Variants in SNRNP200 observed in about 807,000 individuals in gnomAD.
SNRNP200 encodes the protein U5 small nuclear ribonucleoprotein 200 kDa helicase.
SNRNP200 carries 66 observed loss-of-function variants against 255.2 expected under a neutral mutation model. The ratio of observed to expected loss-of-function variants is 0.26; its 90% CI spans 0.21 to 0.32. The LOEUF is 0.32. Among genes scored for constraint, SNRNP200 ranks in the 10% least tolerant of loss-of-function variants. SNRNP200 has a pLI of 1.00. For missense variants in SNRNP200, 1,585 were observed against 2,749.8 expected (o/e 0.58, Z 9.47); for synonymous variants, 939 against 1,027.8 (o/e 0.91, Z 1.65).
Position 96,278,607 on chromosome 2 carries a change from C to T in SNRNP200, c.5428G>A (p.Val1810Met), listed in dbSNP as rs769340516. Reference sequence around the variant, plus strand: ...ATCATGCCTAGGTTCAGAGGCGCCACGTCCATCTCGTCCTCGATGCTGATG... The same window carrying T: ...ATCATGCCTAGGTTCAGAGGCGCCATGTCCATCTCGTCCTCGATGCTGATG... The part of the protein sequence containing the change: ...KCISIEDEMD[V>M]APLNLGMIAA... Residue 1810 changes from valine (V) to methionine (M), a missense_variant, in exon 38 of 45, where the codon GTG (valine) becomes ATG (methionine). This residue lies in a region of SNRNP200 where 279 missense variants were observed against 551.2 expected (regional missense o/e 0.51). Transcript: ENST00000323853. This position sits in a 1 kb window ranked among gnomAD's most constrained non-coding sequence, Gnocchi z 6.9. 2.6e-5 allele frequency: 42 copies of T among 1,614,104 alleles called. No homozygotes were observed. Among genetic ancestry groups the T allele is most frequent in the Admixed American group, 5.0e-5 (3 of 60,010 alleles).
chr2:96,301,492 G>T lies in SNRNP200; in HGVS notation c.574+32C>A. On this transcript the variant is annotated intron_variant, in intron 4 of 44. Transcript: ENST00000323853. ...TGTTTAGGGGTCAACAACAACCAAT[G>T]AACATGATCAGAACATAAAGCGCGC... 2.5e-6 allele frequency: 4 copies of T among 1,606,022 alleles called. No homozygotes were observed. In the South Asian group the frequency reaches 4.4e-5, roughly 18 times the overall value.
intron 13 of SNRNP200, 50 bp downstream of exon 13, chr2:96,296,486 C>T (rs2063917103): frequency 6.2e-7 from 1 of 1,601,856 alleles, no homozygotes. Context: ...GTCCACAACA[C>T]TTTCATAGGT....
intron 8 of SNRNP200, 45 bp downstream of exon 8, chr2:96,298,558 A>C: frequency 6.3e-7 from 1 of 1,592,902 alleles, no homozygotes; most frequent in East Asian, 2.2e-5. Context: ...TCACACATGC[A>C]CACATATGTA....
chr2:96,304,611 C>G (rs2063975302), intron 2 of SNRNP200, 94 bp downstream of exon 2: 3 of 1,529,514 alleles, frequency 2.0e-6, no homozygotes, highest in Non-Finnish European at 1.8e-6. Flanking sequence ...TGCCACTGAT[C>G]TTACACCAAG....
intron 23 of SNRNP200, 138 bp downstream of exon 23, chr2:96,288,899 A>C: frequency 4.8e-6 from 5 of 1,036,778 alleles, no homozygotes; most frequent in Non-Finnish European, 5.9e-6. Flanking sequence ...TATAAAAAGA[A>C]CATGCGAGAA....
At chr2:96,279,314 T>A (rs1411923223) in intron 36 of SNRNP200, 137 bp downstream of exon 36, 12 of 739,716 alleles carry the variant, frequency 1.6e-5, no homozygotes, top group Non-Finnish European at 1.9e-5. Flanking sequence ...GGTGGCAGGC[T>A]CGTCACAAAA....
intron 2 of SNRNP200, among the ~76,000 whole-genome samples, 172 bp from the exon 3 acceptor site, chr2:96,303,502 T>C (rs1411541091): frequency 2.0e-5 from 3 of 152,188 alleles, no homozygotes; most frequent in East Asian, 3.8e-4. Flanking sequence ...GCAGGAGTAT[T>C]TCTTTATGGG....
At chr2:96,280,345 A>C (rs1684737626) in intron 35 of SNRNP200, among the ~76,000 whole-genome samples, 2 of 152,078 alleles carry the variant, frequency 1.3e-5, no homozygotes, top group Non-Finnish European at 2.9e-5. Flanking sequence ...AAAAAAAGGA[A>C]AAATTAGCTG....
At position 96,286,002 on chromosome 2, in the gene SNRNP200, T is replaced by G. The variant is rs140149920; in HGVS notation, c.4003+309A>C. On this transcript the variant is annotated intron_variant, in intron 29 of 44. Transcript: ENST00000323853. This position sits in a 1 kb window ranked among gnomAD's most constrained non-coding sequence, Gnocchi z 4.8. Reference sequence around the variant, plus strand: ...TTTATCATGATGTGGTGAGGAGGCTTCAGTGCCACCCCATGGTTCTGGTTC... The same window carrying G: ...TTTATCATGATGTGGTGAGGAGGCTGCAGTGCCACCCCATGGTTCTGGTTC... 3.3e-5 allele frequency among the ~76,000 whole-genome samples: 5 copies of G among 152,348 alleles called. No individual in the cohort carries two copies. Among genetic ancestry groups the G allele is most frequent in the African/African-American group, 1.2e-4 (5 of 41,586 alleles).
chr2:96,283,884 C>T lies in SNRNP200; in HGVS notation c.4513G>A (p.Gly1505Ser). The T allele has an allele frequency of 6.3e-7, 1 of 1,594,968 alleles. No individual in the cohort carries two copies. The highest frequency in any genetic ancestry group is 8.5e-7 in the Non-Finnish European group (1 of 1,170,754). The change falls in exon 32 of 45, where the codon GGC becomes AGC. Residue 1505 changes from glycine (G) to serine (S), a missense_variant. By Grantham distance (56) the Gly-to-Ser change is moderately conservative (BLOSUM62 0). Coordinates refer to ENST00000323853, the MANE Select transcript of SNRNP200 (RefSeq NM_014014.5). The surrounding 1 kb of genome is among the most constrained non-coding windows in gnomAD (Gnocchi z 4.7). ...SNAKDVAHWL[G>S]CSATSTFNFH... ...TTGAAGGTGGAGGTGGCACTGCAGC[C>T]CAGCCAGTGGGCCACATCCTTGGCA...
chr2:96,301,342 A>G (rs1288484156), intron 4 of SNRNP200, among the ~76,000 whole-genome samples, 182 bp downstream of exon 4: 1 of 152,212 alleles, frequency 6.6e-6, no homozygotes, highest in Non-Finnish European at 1.5e-5. Context: ...GTCTCAGAGT[A>G]AGGAACAGCT....
In SNRNP200 at chr2:96,289,937, G is replaced by A. The variant is rs979393877; in HGVS notation, c.2802C>T (p.Thr934=). 2 of 1,614,014 alleles carry A rather than the reference G, an allele frequency of 1.2e-6. No individual in the cohort carries two copies. The highest frequency in any genetic ancestry group is 2.7e-5 in the African/African-American group (2 of 74,890). ...GGTCATCATGAGAGATGCCATAGAGGGTTGGGGATCGCAGCATTCGGATAT... is the reference window on the plus strand; with the variant it reads ...GGTCATCATGAGAGATGCCATAGAGAGTTGGGGATCGCAGCATTCGGATAT... ...YLYIRMLRSP[T]LYGISHDDLK... The change falls in exon 21 of 45, where the codon ACC becomes ACT. Residue 934 remains threonine (T), a synonymous_variant. Transcript: ENST00000323853.
chr2:96,274,879 C>G lies in SNRNP200; in HGVS notation c.*133G>C. ...GCAAGGGAAAGGAAGTGGAGGTAGG[C>G]GGGGACAGCACCAGCCCTGGCTGGC... On this transcript the variant is annotated 3_prime_UTR_variant, in exon 45 of 45. Transcript: ENST00000323853. 1 of 950,918 alleles carries G rather than the reference C, an allele frequency of 1.1e-6. No homozygotes were observed. Among genetic ancestry groups the G allele is most frequent in the Non-Finnish European group, 1.7e-6 (1 of 589,392 alleles). The allele number at this position is 950,918 out of a possible 1,614,324, so 58.9% of individuals were successfully genotyped here.
chr2:96,285,170 C>A lies in SNRNP200; in HGVS notation c.4164+10G>T. ...TTGGGAAATTCACATGACACAGCGC[C>A]ACGTCATACCTGCTCTGCCAGGGCC... is the stretch of plus-strand genomic sequence containing the variant. On this transcript the variant is annotated intron_variant, in intron 30 of 44. Coordinates refer to ENST00000323853, the MANE Select transcript of SNRNP200 (RefSeq NM_014014.5). The A allele has an allele frequency of 6.2e-7, 1 of 1,613,904 alleles. No homozygotes were observed. Among genetic ancestry groups the A allele is most frequent in the Non-Finnish European group, 8.5e-7 (1 of 1,179,920 alleles).
At chr2:96,279,139 T>C in intron 36 of SNRNP200, 141 bp from the exon 37 acceptor site, 1 of 734,502 alleles carries the variant, frequency 1.4e-6, no homozygotes, top group Non-Finnish European at 2.4e-6. Flanking sequence ...ATTTAGAAAG[T>C]GCATCACTGG....
In SNRNP200 at chr2:96,282,357, G is replaced by C. The variant is rs1343431429; in HGVS notation, c.4916-435C>G. 2.3e-5 allele frequency: 5 copies of C among 221,304 alleles called. No homozygotes were observed. In the East Asian group the frequency reaches 3.1e-4, roughly 14 times the overall value. The allele number at this position is 221,304 out of a possible 1,614,324, so 13.7% of individuals were successfully genotyped here. On this transcript the variant is annotated intron_variant, in intron 34 of 44. Coordinates refer to ENST00000323853, the MANE Select transcript of SNRNP200 (RefSeq NM_014014.5). ...TTCTGGCAGAAGAATCTCCAATGAG[G>C]CTCCAATAAACAGTATTAAAACGTA... is the stretch of plus-strand genomic sequence containing the variant.
intron 43 of SNRNP200, among the ~76,000 whole-genome samples, chr2:96,276,132 T>C (rs1318021135): frequency 2.6e-5 from 4 of 152,258 alleles, no homozygotes; most frequent in Non-Finnish European, 5.9e-5. Flanking sequence ...AAGCAGTCTT[T>C]ACTCAGAGCC....
At chr2:96,304,636 T>G (rs1434721882) in intron 2 of SNRNP200, 69 bp downstream of exon 2, 1 of 1,596,384 alleles carries the variant, frequency 6.3e-7, no homozygotes, top group African/African-American at 1.3e-5. Context: ...CCAGCAAAAA[T>G]GCTGCTCGAA....
Position 96,290,929 on chromosome 2 carries a change from C to G in SNRNP200, c.2422-114G>C, listed in dbSNP as rs941771245. 14 of 1,240,102 alleles carry G rather than the reference C, an allele frequency of 1.1e-5. No homozygotes were observed. Among genetic ancestry groups the G allele is most frequent in the Admixed American group, 3.8e-5 (2 of 52,674 alleles). 76.8% of individuals were successfully genotyped at this position (1,240,102 alleles called of 1,614,324 possible). On this transcript the variant is annotated intron_variant, in intron 18 of 44. Coordinates refer to ENST00000323853, the MANE Select transcript of SNRNP200 (RefSeq NM_014014.5). This position sits in a 1 kb window ranked among gnomAD's most constrained non-coding sequence, Gnocchi z 4.5. ...CTTCTCTCAGGACTAGCCGGTAGGG[C>G]GCGTGGGGTCCCAGTACTTGTCAAT...
Sources: gnomAD v4.1 joint callset for allele counts (sites outside exome capture counted in the v4.1 genomes callset) on GRCh38, gnomAD v4.1.1 for gene constraint, gnomAD v4.1.1 regional missense constraint, Gnocchi (gnomAD v3.1) non-coding constraint, MANE v1.5 for transcripts, NCBI Gene and HGNC (gene_info 2026-07-23, HGNC 2026-07-21) for gene names.